The following UNC5A variants were observed in gnomAD, a reference collection of about 807,000 sequenced individuals.
UNC5A encodes netrin receptor UNC5A.
A neutral mutation model predicts 87.4 loss-of-function variants in UNC5A; 20 were observed. The observed-to-expected ratio is 0.23, with a 90% CI of 0.16 to 0.33. UNC5A has a LOEUF of 0.33. Among genes scored for constraint, UNC5A ranks in the 10% least tolerant of loss-of-function variants. UNC5A has a pLI of 1.00. For synonymous variants in UNC5A, 438 were observed against 482.3 expected, an observed-to-expected ratio of 0.91 and a Z score of 1.20; for missense variants, 844 against 1,133.4, an observed-to-expected ratio of 0.74 and a Z score of 3.67.
rs544183448 is a variant in UNC5A at position 176,819,236 on chromosome 5, G to A, written c.70+8416G>A. 3.3e-5 allele frequency among the ~76,000 whole-genome samples: 5 copies of A among 152,286 alleles called. No individual in the cohort carries two copies. In the South Asian group the frequency reaches 1.0e-3, roughly 32 times the overall value. ...CATCTTTGTTACCTGTCTGTGGGTG[G>A]TGGCCCAATTGTCACAGCCTCCTCA... is the stretch of plus-strand genomic sequence containing the variant. On this transcript the variant is annotated intron_variant, in intron 1 of 14. Coordinates refer to ENST00000329542, the MANE Select transcript of UNC5A (RefSeq NM_133369.3).
intron 1 of UNC5A, among the ~76,000 whole-genome samples, chr5:176,818,152 G>T (rs906579140): frequency 3.2e-4 from 49 of 152,220 alleles, no homozygotes; most frequent in Non-Finnish European, 1.6e-4. Flanking sequence ...GTGGGTGGGC[G>T]CAGGGCTTCT....
intron 1 of UNC5A, among the ~76,000 whole-genome samples, chr5:176,843,644 C>G (rs1757333076): frequency 6.6e-6 from 1 of 152,252 alleles, no homozygotes; most frequent in African/African-American, 2.4e-5. Flanking sequence ...GAAGTGCTCG[C>G]TGCTCTTATT....
chr5:176,816,423 G>T (rs1581240383), intron 1 of UNC5A, among the ~76,000 whole-genome samples: 2 of 152,246 alleles, frequency 1.3e-5, no homozygotes, highest in East Asian at 3.8e-4. Context: ...AGTGCCCAAG[G>T]CCCACCCCCT....
At chr5:176,826,569 G>A (rs1756858322) in intron 1 of UNC5A, among the ~76,000 whole-genome samples, 1 of 151,014 alleles carries the variant, frequency 6.6e-6, no homozygotes, top group Admixed American at 6.6e-5. Context: ...CGTTTTAAGT[G>A]CACAATTCAT....
chr5:176,818,332 C>T lies in UNC5A; in HGVS notation c.70+7512C>T, dbSNP rs575378753. On this transcript the variant is annotated intron_variant, in intron 1 of 14. Transcript: ENST00000329542. Reference sequence around the variant, plus strand: ...CCGAGCACCGACTTGCCCCAGGTCCCGGCTGTCCTCTGCAGGCTGGGGCTC... The same window carrying T: ...CCGAGCACCGACTTGCCCCAGGTCCTGGCTGTCCTCTGCAGGCTGGGGCTC... Among the ~76,000 whole-genome samples the T allele has an allele frequency of 5.3e-5, 8 of 152,354 alleles. No homozygotes were observed. The South Asian group carries it at 6.2e-4, about 12-fold the overall frequency.
rs543842855 is a variant in UNC5A at position 176,865,705 on chromosome 5, G to A, written c.293-2425G>A. The A allele has an allele frequency of 8.0e-4, 366 of 456,544 alleles. 1 individual carries two copies. The highest frequency in any genetic ancestry group is 6.8e-3 in the African/African-American group (340 of 50,208). 28.3% of individuals were successfully genotyped at this position (456,544 alleles called of 1,614,324 possible). On this transcript the variant is annotated intron_variant, in intron 2 of 14. Transcript: ENST00000329542. This position sits in a 1 kb window ranked among gnomAD's most constrained non-coding sequence, Gnocchi z 5.3. ...AGACCAAAGACCCCAAACCAGAAACGTTCTGTGGTCAGACAGGTATGGCAG... is the reference window on the plus strand; with the variant it reads ...AGACCAAAGACCCCAAACCAGAAACATTCTGTGGTCAGACAGGTATGGCAG...
At chr5:176,849,244 G>A (rs1034773655) in intron 1 of UNC5A, among the ~76,000 whole-genome samples, 1 of 152,176 alleles carries the variant, frequency 6.6e-6, no homozygotes, top group Non-Finnish European at 1.5e-5. Context: ...ATTTTTAAAT[G>A]GGAGGTTTCA....
Position 176,874,094 on chromosome 5 carries a change from T to C in UNC5A, c.1013T>C (p.Val338Ala). ...CRKKEGLDSDVADSSILTSGF... is the reference protein window; with the variant it reads ...CRKKEGLDSDAADSSILTSGF... ...AAGAAGGAGGGGCTGGACTCAGATG[T>C]GGCTGACTCGTCCATTCTCACCTCA... Residue 338 changes from valine to alanine, a missense_variant, in exon 7 of 15, where the codon GTG (valine) becomes GCG (alanine). Val to Ala is a moderately conservative substitution (Grantham distance 64, BLOSUM62 0). Coordinates refer to ENST00000329542, the MANE Select transcript of UNC5A (RefSeq NM_133369.3). This position sits in a 1 kb window ranked among gnomAD's most constrained non-coding sequence, Gnocchi z 7.6. 1.9e-6 allele frequency: 3 copies of C among 1,614,070 alleles called. No individual in the cohort carries two copies. The highest frequency in any genetic ancestry group is 2.5e-6 in the Non-Finnish European group (3 of 1,179,984).
At chr5:176,837,317 A>G (rs1184506832) in intron 1 of UNC5A, among the ~76,000 whole-genome samples, 1 of 152,188 alleles carries the variant, frequency 6.6e-6, no homozygotes, top group Non-Finnish European at 1.5e-5. Context: ...GGCAGTGCCC[A>G]TGAGCCGGTG....
chr5:176,860,419 A>C (rs1308235619), intron 1 of UNC5A, among the ~76,000 whole-genome samples: 1 of 152,064 alleles, frequency 6.6e-6, no homozygotes, highest in Non-Finnish European at 1.5e-5. Context: ...ACCTCCTTCC[A>C]TTCATTCTCC....
Position 176,848,947 on chromosome 5 carries a change from G to A in UNC5A, c.71-13677G>A, listed in dbSNP as rs1561653934. Among the ~76,000 whole-genome samples, 1 of 152,272 alleles carries A rather than the reference G, an allele frequency of 6.6e-6. No individual in the cohort carries two copies. The highest frequency in any genetic ancestry group is 1.5e-5 in the Non-Finnish European group (1 of 68,054). The stretch of plus-strand genomic sequence containing the variant: ...GCCCAGGTACCTGGGGCAATGGACA[G>A]CCGACCTCTCCGCCTCTGTCCAGGC... On this transcript the variant is annotated intron_variant, in intron 1 of 14. Coordinates refer to ENST00000329542, the MANE Select transcript of UNC5A (RefSeq NM_133369.3). This position sits in a 1 kb window ranked among gnomAD's most constrained non-coding sequence, Gnocchi z 5.8.
intron 1 of UNC5A, among the ~76,000 whole-genome samples, chr5:176,821,190 C>T (rs533143441): frequency 2.0e-5 from 3 of 152,330 alleles, no homozygotes; most frequent in Non-Finnish European, 2.9e-5. Flanking sequence ...AGCCTCACGC[C>T]GCTGCACCTG....
intron 1 of UNC5A, among the ~76,000 whole-genome samples, chr5:176,832,308 C>A (rs1243359873): frequency 6.6e-6 from 1 of 152,158 alleles, no homozygotes; most frequent in Non-Finnish European, 1.5e-5. Context: ...GTTTGGCTGG[C>A]AGTCTGATTT....
chr5:176,861,825 A>AGGCCAGGCT (rs33985583), intron 1 of UNC5A, among the ~76,000 whole-genome samples: 140,019 of 151,984 alleles, frequency 0.92, 64,836 homozygotes, highest in African/African-American at 0.97. Flanking sequence ...AGCCCCAGGG[A>AGGCCAGGCT]GGCTGAGGAC....
Position 176,869,907 on chromosome 5 carries a change from C to T in UNC5A, c.722-463C>T. 1.7e-6 allele frequency: 1 copy of T among 579,448 alleles called. No homozygotes were observed. Among genetic ancestry groups the T allele is most frequent in the Non-Finnish European group, 3.1e-6 (1 of 324,308 alleles). 35.9% of individuals were successfully genotyped at this position (579,448 alleles called of 1,614,324 possible). A position where few individuals can be genotyped will look rare whatever the true frequency, so the allele number is the denominator to read the frequency against. On this transcript the variant is annotated intron_variant, in intron 5 of 14. Transcript: ENST00000329542. The surrounding 1 kb of genome is among the most constrained non-coding windows in gnomAD (Gnocchi z 9.1). ...CCCACCCGCCACGCAGGGCCAGGCT[C>T]AGTCTGAGGCGGGGATCGGGGTGCG...
At chr5:176,870,820 C>A (rs1253628674) in intron 6 of UNC5A, among the ~76,000 whole-genome samples, 2 of 151,194 alleles carry the variant, frequency 1.3e-5, no homozygotes, top group Non-Finnish European at 3.0e-5. Flanking sequence ...CCCACACTCA[C>A]CAACACCACA....
intron 1 of UNC5A, among the ~76,000 whole-genome samples, chr5:176,851,971 A>G (rs1757554772): frequency 6.6e-6 from 1 of 152,142 alleles, no homozygotes; most frequent in South Asian, 2.1e-4. Context: ...TCCTTGAGCT[A>G]GTCATCCCGT....
intron 5 of UNC5A, 73 bp from the exon 6 acceptor site, chr5:176,870,297 C>G: frequency 5.1e-6 from 8 of 1,559,698 alleles, no homozygotes; most frequent in Non-Finnish European, 7.0e-6. Context: ...CCCAGAGGGG[C>G]CACACTGGCA....
At chr5:176,863,942 A>G (rs1757910452) in intron 2 of UNC5A, among the ~76,000 whole-genome samples, 1 of 149,256 alleles carries the variant, frequency 6.7e-6, no homozygotes, top group South Asian at 2.2e-4. Context: ...CCCACGCATA[A>G]TGACACCTCA....
Sources: allele counts gnomAD v4.1 joint callset (sites outside exome capture counted in the v4.1 genomes callset), GRCh38; gene constraint gnomAD v4.1.1; non-coding constraint Gnocchi (gnomAD v3.1); transcripts MANE v1.5; gene names NCBI Gene and HGNC (gene_info 2026-07-23, HGNC 2026-07-21).